MKLN1: variants seen among roughly 807,000 people sequenced by gnomAD.
MKLN1 encodes the protein muskelin 1.
In MKLN1, 18 loss-of-function variants were observed where a neutral mutation model predicts 99.0. The ratio of observed to expected loss-of-function variants is 0.18; its 90% CI spans 0.13 to 0.27. The LOEUF is 0.27. Ranked by LOEUF, MKLN1 falls within the 10% of genes least tolerant of loss-of-function variation. The pLI is 1.00. For synonymous variants in MKLN1, 288 were observed against 293.2 expected (o/e 0.98, Z 0.18); for missense variants, 621 against 875.9 (o/e 0.71, Z 3.67).
At chr7:131,210,743 AG>A (rs1284879610) in intron 3 of MKLN1, among the ~76,000 whole-genome samples, 1 of 20 alleles carries the variant, frequency 0.05, no homozygotes. Context: ...AGGGGAAGGG[AG>A]GGAGGGAGGG....
intron 3 of MKLN1, among the ~76,000 whole-genome samples, chr7:131,306,459 C>T (rs1040020764): frequency 3.9e-5 from 6 of 152,126 alleles, no homozygotes; most frequent in African/African-American, 1.4e-4. Context: ...GTGATATGGA[C>T]CATGAAGTCC....
At chr7:131,121,050 A>G (rs145214257) in intron 1 of MKLN1, among the ~76,000 whole-genome samples, 6 of 152,362 alleles carry the variant, frequency 3.9e-5, no homozygotes, top group Non-Finnish European at 7.3e-5. Flanking sequence ...GGAGCTGTAC[A>G]GGAAGCATAG....
chr7:131,387,326 A>AG (rs1464306390), intron 3 of MKLN1, 64 bp downstream of exon 3: 1 of 1,439,000 alleles, frequency 6.9e-7, no homozygotes, highest in Non-Finnish European at 9.4e-7. Flanking sequence ...GTCTTTTTGT[A>AG]GCTAATCTGC....
intron 1 of MKLN1, among the ~76,000 whole-genome samples, chr7:131,352,314 A>G (rs535395102): frequency 2.0e-5 from 3 of 152,140 alleles, no homozygotes; most frequent in Non-Finnish European, 1.5e-5. Flanking sequence ...ACTTTATATA[A>G]CATGCTTTAG....
intron 10 of MKLN1, among the ~76,000 whole-genome samples, chr7:131,439,505 C>T (rs1795768715): frequency 6.6e-6 from 1 of 152,140 alleles, no homozygotes; most frequent in Admixed American, 6.6e-5. Flanking sequence ...CAACAACTAT[C>T]CCTGTAATAG....
intron 7 of MKLN1, 52 bp from the exon 8 acceptor site, chr7:131,414,593 G>T (rs1794963323): frequency 1.6e-6 from 2 of 1,252,696 alleles, no homozygotes; most frequent in Non-Finnish European, 2.3e-6. Flanking sequence ...ATTTACTCTG[G>T]ATATGCTGTT....
chr7:131,367,971 C>G (rs1800230596), intron 1 of MKLN1, among the ~76,000 whole-genome samples: 1 of 152,080 alleles, frequency 6.6e-6, no homozygotes, highest in Admixed American at 6.6e-5. Flanking sequence ...TCACTTAGTC[C>G]TGAAAATTAA....
At position 131,154,878 on chromosome 7, in the gene MKLN1, T is replaced by G. The variant is rs140265305; in HGVS notation, c.-297+11937T>G. Reference sequence around the variant, plus strand: ...CTAGAGGGTAGGAACATGTTTAAACTCTTGATTAGTTTTGTCAGATCACCT... The same window carrying G: ...CTAGAGGGTAGGAACATGTTTAAACGCTTGATTAGTTTTGTCAGATCACCT... On this transcript the variant is annotated intron_variant, in intron 2 of 7. Coordinates refer to the MKLN1 transcript ENST00000416992. 5.9e-5 allele frequency among the ~76,000 whole-genome samples: 9 copies of G among 152,270 alleles called. No homozygotes were observed. The East Asian group carries it at 1.7e-3, about 29-fold the overall frequency.
chr7:131,436,407 G>A (rs938390109), intron 9 of MKLN1, among the ~76,000 whole-genome samples: 3 of 152,072 alleles, frequency 2.0e-5, no homozygotes, highest in African/African-American at 7.2e-5. Flanking sequence ...TGTTATTTCT[G>A]CAGGAAGAAC....
intron 1 of MKLN1, among the ~76,000 whole-genome samples, chr7:131,373,133 C>T (rs1793521987): frequency 1.3e-5 from 2 of 151,968 alleles, no homozygotes; most frequent in African/African-American, 4.8e-5. Flanking sequence ...TGAAAAGTTA[C>T]ATTAATTTGC....
intron 9 of MKLN1, 149 bp from the exon 10 acceptor site, chr7:131,437,636 G>T: frequency 1.6e-6 from 1 of 628,170 alleles, no homozygotes; most frequent in Non-Finnish European, 2.8e-6. Context: ...CCTAGTGTTG[G>T]ACTCATATTG....
intron 2 of MKLN1, among the ~76,000 whole-genome samples, chr7:131,163,923 C>A (rs1008457173): frequency 1.3e-5 from 2 of 151,936 alleles, no homozygotes; most frequent in African/African-American, 4.8e-5. Flanking sequence ...AAGAGGATGC[C>A]CAGTTTAGAA....
chr7:131,194,881 G>T (rs1264758161), intron 2 of MKLN1, among the ~76,000 whole-genome samples: 1 of 152,148 alleles, frequency 6.6e-6, no homozygotes. Flanking sequence ...TCGCATTCAG[G>T]TGACAAATTT....
At chr7:131,136,403 C>T (rs1795649370) in intron 1 of MKLN1, among the ~76,000 whole-genome samples, 1 of 152,042 alleles carries the variant, frequency 6.6e-6, no homozygotes, top group African/African-American at 2.4e-5. Flanking sequence ...CAAGTGGTCG[C>T]CTAGATTTGA....
Position 131,493,706 on chromosome 7 carries a change from A to G in MKLN1, c.*5978A>G, listed in dbSNP as rs1017664812. 4 of 152,226 alleles carry G rather than the reference A, an allele frequency of 2.6e-5. No individual in the cohort carries two copies. The highest frequency in any genetic ancestry group is 1.9e-4 in the East Asian group (1 of 5,196). 9.4% of individuals were successfully genotyped at this position (152,226 alleles called of 1,614,324 possible). On this transcript the variant is annotated 3_prime_UTR_variant, in exon 18 of 18. Transcript: ENST00000352689. ...GGAAAACCAGCCATAAAACATTTCAACATGCAGTTTGGGGGCTCCCTTGCT... is the reference window on the plus strand; with the variant it reads ...GGAAAACCAGCCATAAAACATTTCAGCATGCAGTTTGGGGGCTCCCTTGCT...
At chr7:131,252,545 G>A (rs964704840) in intron 3 of MKLN1, among the ~76,000 whole-genome samples, 1 of 151,900 alleles carries the variant, frequency 6.6e-6, no homozygotes, top group African/African-American at 2.4e-5. Flanking sequence ...TAGCCAGGAT[G>A]GTCTCAATCT....
At position 131,254,880 on chromosome 7, in the gene MKLN1, C is replaced by T. The variant is rs182556316; in HGVS notation, c.-179+51906C>T. Among the ~76,000 whole-genome samples the T allele has an allele frequency of 1.5e-4, 23 of 151,696 alleles. 1 individual carries two copies. The highest frequency in any genetic ancestry group is 5.3e-4 in the African/African-American group (22 of 41,424). ...GAGAGAGAGGAGCGGAAAAAAATTT[C>T]GAAGAAACAATGGCTGAAATTTTTT... On this transcript the variant is annotated intron_variant, in intron 3 of 7. Transcript: ENST00000416992.
At chr7:131,362,542 C>G (rs1418581093) in intron 1 of MKLN1, among the ~76,000 whole-genome samples, 1 of 151,376 alleles carries the variant, frequency 6.6e-6, no homozygotes, top group African/African-American at 2.4e-5. Flanking sequence ...TGTGTAGATT[C>G]AACTTTTATT....
At chr7:131,444,801 GTA>G in intron 11 of MKLN1, among the ~76,000 whole-genome samples, 1 of 148,964 alleles carries the variant, frequency 6.7e-6, no homozygotes, top group African/African-American at 2.5e-5. Flanking sequence ...AGTAGTAGTA[GTA>G]GTAGTAGTAG....
Sources: gnomAD v4.1 joint callset for allele counts (sites outside exome capture counted in the v4.1 genomes callset) on GRCh38, gnomAD v4.1.1 for gene constraint, MANE v1.5 for transcripts, NCBI Gene and HGNC (gene_info 2026-07-23, HGNC 2026-07-21) for gene names.